UGT1A6: variants seen among roughly 807,000 people sequenced by gnomAD.
UGT1A6 encodes UDP-glucuronosyltransferase 1A6.
A neutral mutation model predicts 44.4 loss-of-function variants in UGT1A6; 32 were observed. The observed-to-expected ratio is 0.72, with a 90% CI of 0.54 to 0.97. UGT1A6 has a LOEUF of 0.97. UGT1A6 is among the 50% of genes least tolerant of loss of function. The pLI is 0.00. For synonymous variants in UGT1A6, 238 were observed against 248.5 expected, an observed-to-expected ratio of 0.96 and a Z score of 0.40; for missense variants, 685 against 661.9, an observed-to-expected ratio of 1.03 and a Z score of -0.38.
chr2:233,735,011 C>T (rs554046277), intron 1 of UGT1A6, among the ~76,000 whole-genome samples: 7 of 152,192 alleles, frequency 4.6e-5, no homozygotes, highest in Non-Finnish European at 1.0e-4. Flanking sequence ...GTGGAGAGTT[C>T]TGTAGATGTC....
At chr2:233,743,810 G>C (rs765761325) in intron 1 of UGT1A6, 1 of 1,367,316 alleles carries the variant, frequency 7.3e-7, no homozygotes, top group Non-Finnish European at 9.8e-7. Flanking sequence ...CTTGTTCTCA[G>C]GGTTTTTGTC....
intron 1 of UGT1A6, among the ~76,000 whole-genome samples, chr2:233,698,359 G>A (rs17863784): frequency 0.048 from 7,312 of 152,282 alleles, 193 homozygotes; most frequent in Non-Finnish European, 0.059. Context: ...TGAATGTGCT[G>A]AATGCCATGA....
chr2:233,711,162 G>A (rs2076166614), intron 1 of UGT1A6, among the ~76,000 whole-genome samples: 1 of 152,150 alleles, frequency 6.6e-6, no homozygotes, highest in African/African-American at 2.4e-5. Flanking sequence ...CCTATTTCCT[G>A]GGCACCAGGA....
intron 1 of UGT1A6, among the ~76,000 whole-genome samples, chr2:233,756,699 T>C (rs1393034568): frequency 2.0e-5 from 3 of 152,130 alleles, no homozygotes; most frequent in Non-Finnish European, 4.4e-5. Flanking sequence ...ACGATGAATT[T>C]TGGGGGGACT....
At chr2:233,755,256 T>C in intron 1 of UGT1A6, 1 of 820,386 alleles carries the variant, frequency 1.2e-6, no homozygotes, top group Non-Finnish European at 1.8e-6. Context: ...CAGCACCTCG[T>C]AGTAGTCCAC....
chr2:233,761,191 T>G, intron 1 of UGT1A6: 1 of 1,614,162 alleles, frequency 6.2e-7, no homozygotes, highest in Non-Finnish European at 8.5e-7. Context: ...GTATATTCTT[T>G]CAGATGTATT....
intron 4 of UGT1A6, among the ~76,000 whole-genome samples, 182 bp downstream of exon 4, chr2:233,768,621 C>T (rs186985441): frequency 1.7e-5 from 2 of 116,022 alleles, no homozygotes; most frequent in East Asian, 2.7e-4. Flanking sequence ...GAGTCTTGCT[C>T]TGTCACCTAG....
intron 1 of UGT1A6, among the ~76,000 whole-genome samples, chr2:233,744,426 A>T (rs1305871447): frequency 6.6e-6 from 1 of 151,832 alleles, no homozygotes; most frequent in African/African-American, 2.4e-5. Flanking sequence ...TGTGGATTAT[A>T]TCTATCATAC....
rs554048784 is a variant in UGT1A6, at chr2:233,732,559, A to G, written c.862-34475A>G. ...TTTTCCCAGCACCATTTATTAAATA[A>G]GGAATCCTTTCCCCATTGCTTGTTT... On this transcript the variant is annotated intron_variant, in intron 1 of 4. Coordinates refer to ENST00000305139, the MANE Select transcript of UGT1A6 (RefSeq NM_001072.4). Among the ~76,000 whole-genome samples the G allele has an allele frequency of 2.5e-3, 374 of 152,298 alleles. 2 individuals are homozygous for G. The highest frequency in any genetic ancestry group is 8.6e-3 in the African/African-American group (358 of 41,564).
intron 1 of UGT1A6, among the ~76,000 whole-genome samples, chr2:233,712,498 ATGT>A (rs1196672713): frequency 6.6e-6 from 1 of 152,200 alleles, no homozygotes; most frequent in Non-Finnish European, 1.5e-5. Context: ...TGGCTTAGCA[ATGT>A]TGTCTGCATT....
intron 1 of UGT1A6, among the ~76,000 whole-genome samples, chr2:233,725,748 A>G (rs530176387): frequency 3.9e-5 from 6 of 152,300 alleles, no homozygotes; most frequent in African/African-American, 1.4e-4. Context: ...ACATTGTAAG[A>G]GACTTACATT....
intron 1 of UGT1A6, among the ~76,000 whole-genome samples, chr2:233,728,144 G>T (rs577177228): frequency 2.0e-5 from 3 of 152,328 alleles, no homozygotes; most frequent in South Asian, 4.2e-4. Flanking sequence ...CCCACAAATT[G>T]TGCAGCCCAT....
intron 1 of UGT1A6, among the ~76,000 whole-genome samples, chr2:233,730,418 A>G (rs1198959382): frequency 2.0e-5 from 3 of 152,174 alleles, no homozygotes; most frequent in Non-Finnish European, 4.4e-5. Context: ...TGACATGATA[A>G]TTTTTAGTTG....
chr2:233,703,467 T>C (rs1299395084), intron 1 of UGT1A6, among the ~76,000 whole-genome samples: 1 of 152,154 alleles, frequency 6.6e-6, no homozygotes, highest in African/African-American at 2.4e-5. Context: ...CTATTCTTTA[T>C]TATTTTCTGC....
chr2:233,718,752 A>G (rs2076680847), intron 1 of UGT1A6: 6 of 1,612,234 alleles, frequency 3.7e-6, no homozygotes, highest in Non-Finnish European at 5.1e-6. Context: ...AAGGTAATTA[A>G]GGCGAAGGAA....
At chr2:233,712,590 A>G (rs1407405670) in intron 1 of UGT1A6, among the ~76,000 whole-genome samples, 1 of 152,212 alleles carries the variant, frequency 6.6e-6, no homozygotes, top group African/African-American at 2.4e-5. Context: ...AGCAGAGACC[A>G]TATGGTTGGG....
intron 1 of UGT1A6, among the ~76,000 whole-genome samples, chr2:233,740,002 A>AAGTG (rs1284523350): frequency 6.6e-6 from 1 of 151,788 alleles, no homozygotes; most frequent in Admixed American, 6.5e-5. Context: ...TTGTCATACT[A>AAGTG]AGTGAGTTCT....
rs62625011 is a variant in UGT1A6 at position 233,767,092 on chromosome 2, G to A, written c.920G>A (p.Gly307Glu). The A allele has an allele frequency of 2.5e-6, 4 of 1,614,070 alleles. No individual in the cohort carries two copies. In the Admixed American group the frequency reaches 5.0e-5, roughly 20 times the overall value. The change falls in exon 2 of 5, where the codon GGA becomes GAA. Residue 307 changes from glycine to glutamate, a missense_variant. Coordinates refer to ENST00000305139, the MANE Select transcript of UGT1A6 (RefSeq NM_001072.4). ...CATGGAATTGTGGTTTTCTCTTTGG[G>A]ATCAATGGTCTCAGAAATTCCAGAG... ...GEHGIVVFSL[G>E]SMVSEIPEKK...
At chr2:233,708,841 G>A (rs955602115) in intron 1 of UGT1A6, 2 of 151,974 alleles carry the variant, frequency 1.3e-5, no homozygotes, top group African/African-American at 4.8e-5. Flanking sequence ...TTGTTGCAGG[G>A]CTTTTCTTTT....
Sources: allele counts gnomAD v4.1 joint callset (sites outside exome capture counted in the v4.1 genomes callset), GRCh38; gene constraint gnomAD v4.1.1; transcripts MANE v1.5; gene names NCBI Gene and HGNC (gene_info 2026-07-23, HGNC 2026-07-21).